HCRTR2: variants seen among roughly 807,000 people sequenced by gnomAD.
The protein encoded by HCRTR2 is hypocretin receptor 2, also known as orexin receptor type 2.
HCRTR2 carries 22 observed loss-of-function variants against 49.0 expected under a neutral mutation model. The observed-to-expected ratio is 0.45, with a 90% CI of 0.32 to 0.64. The LOEUF (loss-of-function observed/expected upper bound fraction) is 0.64. Ranked by LOEUF, HCRTR2 falls within the 30% of genes least tolerant of loss-of-function variation. HCRTR2 has a pLI of 0.04. For synonymous variants in HCRTR2, 236 were observed against 205.3 expected (o/e 1.15, Z -1.28); for missense variants, 491 against 559.4 (o/e 0.88, Z 1.23).
intron 1 of HCRTR2, among the ~76,000 whole-genome samples, chr6:55,221,911 C>T (rs574433765): frequency 3.3e-5 from 5 of 150,918 alleles, no homozygotes; most frequent in South Asian, 2.1e-4. Context: ...TTCTTGTATA[C>T]GACACCAAAG....
chr6:55,218,846 CAG>C (rs1243536041), intron 1 of HCRTR2, among the ~76,000 whole-genome samples: 1 of 152,112 alleles, frequency 6.6e-6, no homozygotes, highest in Non-Finnish European at 1.5e-5. Context: ...TTTCTAGAGA[CAG>C]AGTCTCACTC....
chr6:55,174,683 C>A lies in HCRTR2; in HGVS notation c.96C>A (p.Thr32=), dbSNP rs200709443. The change falls in exon 1 of 7, where the codon ACC becomes ACA. Residue 32 remains threonine (T), a synonymous_variant. Transcript: ENST00000370862. ...CTCAAGAGCCCTTTTTAAACCCCAC[C>A]GACTATGACGACGAGGAATTCCTGC... The part of the protein sequence containing the change: ...NETQEPFLNP[T]DYDDEEFLRY... The A allele has an allele frequency of 6.2e-7, 1 of 1,613,956 alleles. No individual in the cohort carries two copies. The highest frequency in any genetic ancestry group is 1.3e-5 in the African/African-American group (1 of 74,900).
At chr6:55,121,824 C>A (rs1301803881) in intron 1 of HCRTR2, among the ~76,000 whole-genome samples, 1 of 151,910 alleles carries the variant, frequency 6.6e-6, no homozygotes, top group Non-Finnish European at 1.5e-5. Context: ...CTTGATCATG[C>A]TGGATAAGCT....
At chr6:55,195,584 G>C (rs1369563188) in intron 1 of HCRTR2, among the ~76,000 whole-genome samples, 1 of 152,178 alleles carries the variant, frequency 6.6e-6, no homozygotes, top group East Asian at 1.9e-4. Flanking sequence ...AGTAGAATCG[G>C]AATGTTGCTA....
At chr6:55,207,445 T>C (rs888221512) in intron 1 of HCRTR2, among the ~76,000 whole-genome samples, 1 of 152,152 alleles carries the variant, frequency 6.6e-6, no homozygotes, top group Non-Finnish European at 1.5e-5. Flanking sequence ...CCATATCAAG[T>C]CTGAGAAATA....
chr6:55,261,595 A>C, intron 3 of HCRTR2, among the ~76,000 whole-genome samples: 1 of 152,042 alleles, frequency 6.6e-6, no homozygotes, highest in Middle Eastern at 3.2e-3. Flanking sequence ...TACTCTTACA[A>C]GGATGGCCAT....
At chr6:55,254,193 TTAC>T (rs1243131424) in intron 2 of HCRTR2, among the ~76,000 whole-genome samples, 1 of 151,922 alleles carries the variant, frequency 6.6e-6, no homozygotes, top group African/African-American at 2.4e-5. Context: ...AGCAAATAAT[TTAC>T]TACATTATAC....
chr6:55,208,256 C>A (rs1375091659), intron 1 of HCRTR2, among the ~76,000 whole-genome samples: 4 of 150,688 alleles, frequency 2.7e-5, no homozygotes, highest in Non-Finnish European at 5.9e-5. Context: ...TGGTGGATCA[C>A]TTGAGGTCAG....
rs556671278 is a variant in HCRTR2, at chr6:55,148,015, G to A, written c.-377-26196G>A. On this transcript the variant is annotated intron_variant, in intron 1 of 7. Transcript: ENST00000615358. ...TAGAATGAATTTGTAGAATCTGCCT[G>A]AATGGACTTTAGTTAGAGTTTGTTG... Among the ~76,000 whole-genome samples, 78 of 143,542 alleles carry A rather than the reference G, an allele frequency of 5.4e-4. 1 individual carries two copies. Among genetic ancestry groups the A allele is most frequent in the African/African-American group, 1.8e-3 (75 of 40,856 alleles). The allele number at this position is 143,542 out of a possible 152,430, so 94.2% of individuals were successfully genotyped here. A position where few individuals can be genotyped will look rare whatever the true frequency, so the allele number is the denominator to read the frequency against.
intron 1 of HCRTR2, among the ~76,000 whole-genome samples, chr6:55,134,134 T>A (rs962333048): frequency 1.6e-4 from 24 of 151,892 alleles, no homozygotes; most frequent in African/African-American, 5.8e-4. Flanking sequence ...CTAAGCACAT[T>A]TTATTTCTAT....
chr6:55,114,966 G>A (rs950793912), intron 1 of HCRTR2, among the ~76,000 whole-genome samples: 1 of 151,750 alleles, frequency 6.6e-6, no homozygotes, highest in Non-Finnish European at 1.5e-5. Flanking sequence ...TGACACTGCT[G>A]CACTTTCAGA....
At chr6:55,175,555 T>G (rs1765025284) in intron 1 of HCRTR2, among the ~76,000 whole-genome samples, 1 of 152,106 alleles carries the variant, frequency 6.6e-6, no homozygotes, top group African/African-American at 2.4e-5. Flanking sequence ...CAGGAATTAT[T>G]CATGTCAACT....
intron 1 of HCRTR2, among the ~76,000 whole-genome samples, chr6:55,109,327 A>C (rs2127610217): frequency 6.6e-6 from 1 of 152,306 alleles, no homozygotes; most frequent in African/African-American, 2.4e-5. Flanking sequence ...TAACAACCCC[A>C]GAAGATCACA....
Position 55,277,592 on chromosome 6 carries a change from G to A in HCRTR2, c.975G>A (p.Val325=), listed in dbSNP as rs145756571. ...ICYLPISILN[V]LKRVFGMFAH... is the part of the protein sequence containing the mutation. ...ATCTACCAATTAGCATCCTCAATGT[G>A]CTAAAGAGGTAAAACTTATCTGTTA... Residue 325 remains valine, a synonymous_variant, in exon 5 of 7, where the codon GTG becomes GTA. Transcript: ENST00000370862. The A allele has an allele frequency of 2.8e-5, 45 of 1,606,352 alleles. No individual in the cohort carries two copies. The highest frequency in any genetic ancestry group is 3.5e-5 in the Non-Finnish European group (41 of 1,173,320).
chr6:55,174,542 C>T lies in HCRTR2; in HGVS notation c.-46C>T, dbSNP rs759679538. The T allele has an allele frequency of 6.7e-7, 1 of 1,484,062 alleles. No individual in the cohort carries two copies. The highest frequency in any genetic ancestry group is 1.1e-5 in the South Asian group (1 of 88,406). 91.9% of individuals were successfully genotyped at this position (1,484,062 alleles called of 1,614,324 possible). A position where few individuals can be genotyped will look rare whatever the true frequency, so the allele number is the denominator to read the frequency against. On this transcript the variant is annotated 5_prime_UTR_variant, in exon 1 of 7. Coordinates refer to ENST00000370862, the MANE Select transcript of HCRTR2 (RefSeq NM_001384272.1). ...AAATCACCAGTGCTCATGGGGCAGG[C>T]GGAGAGGAGCTTGCAGCATTGAGCG...
intron 3 of HCRTR2, among the ~76,000 whole-genome samples, chr6:55,262,313 A>G (rs1766773397): frequency 7.0e-6 from 1 of 143,206 alleles, no homozygotes; most frequent in Non-Finnish European, 1.5e-5. Flanking sequence ...CCGACATAAT[A>G]TATAAATATA....
intron 1 of HCRTR2, among the ~76,000 whole-genome samples, chr6:55,216,175 A>T (rs574023341): frequency 1.3e-5 from 2 of 152,296 alleles, no homozygotes; most frequent in South Asian, 4.1e-4. Flanking sequence ...TCATGACTCA[A>T]ACCTTTCTCA....
At chr6:55,143,950 C>A (rs904943598) in intron 1 of HCRTR2, among the ~76,000 whole-genome samples, 2 of 152,102 alleles carry the variant, frequency 1.3e-5, no homozygotes, top group Admixed American at 6.5e-5. Flanking sequence ...TTATATAATT[C>A]TCAAGCCCTT....
chr6:55,222,034 T>C lies in HCRTR2; in HGVS notation c.224-26605T>C, dbSNP rs552138073. On this transcript the variant is annotated intron_variant, in intron 1 of 6. Transcript: ENST00000370862. ...CAGAGTGTAAAAGCAAACCATGAAA[T>C]GGGAGAGAATATTTGCAAACCATAT... Among the ~76,000 whole-genome samples the C allele has an allele frequency of 2.6e-5, 4 of 152,070 alleles. No individual in the cohort carries two copies. The East Asian group carries it at 7.7e-4, about 29-fold the overall frequency.
Sources: gnomAD v4.1 joint callset for allele counts (sites outside exome capture counted in the v4.1 genomes callset) on GRCh38, gnomAD v4.1.1 for gene constraint, MANE v1.5 for transcripts, NCBI Gene and HGNC (gene_info 2026-07-23, HGNC 2026-07-21) for gene names.